Variants in EIF2A observed in about 807,000 individuals in gnomAD.
EIF2A encodes 65 kDa eukaryotic translation initiation factor 2A.
EIF2A carries 62 observed loss-of-function variants against 75.2 expected under a neutral mutation model. The ratio of observed to expected loss-of-function variants is 0.82; its 90% CI spans 0.67 to 1.02. The LOEUF is 1.02. EIF2A is among the 50% of genes least tolerant of loss of function. The pLI, the probability that EIF2A is intolerant of heterozygous loss-of-function variation, is 0.00. For missense variants in EIF2A, 611 were observed against 677.7 expected (o/e 0.90, Z 1.09); for synonymous variants, 207 against 239.0 (o/e 0.87, Z 1.23).
At position 150,572,158 on chromosome 3, in the gene EIF2A, A is replaced by G; in HGVS notation, c.1012A>G (p.Arg338Gly). The G allele has an allele frequency of 6.2e-7, 1 of 1,613,954 alleles. No individual in the cohort carries two copies. The highest frequency in any genetic ancestry group is 8.5e-7 in the Non-Finnish European group (1 of 1,179,872). The change falls in exon 10 of 14, where the codon AGG (arginine) becomes GGG (glycine). Residue 338 changes from arginine to glycine, a missense_variant. Coordinates refer to ENST00000460851, the MANE Select transcript of EIF2A (RefSeq NM_032025.5). The part of the protein sequence containing the change: ...ILVLAGFGNL[R>G]GQMEVWDVKN... ...AGTATTAGCTGGATTTGGAAATCTGAGGGGACAAATGGAAGTGTGGGATGT... is the reference window on the plus strand; with the variant it reads ...AGTATTAGCTGGATTTGGAAATCTGGGGGGACAAATGGAAGTGTGGGATGT...
At position 150,584,611 on chromosome 3, in the gene EIF2A, T is replaced by A. The variant is rs961467030; in HGVS notation, c.*700T>A. On this transcript the variant is annotated 3_prime_UTR_variant, in exon 14 of 14. Transcript: ENST00000460851. ...ACACTGTTGGCAATATCAGAAGTGA[T>A]AAGGCTTTGAAATGTTCGCCACTTT... Among the ~76,000 whole-genome samples, 15 of 152,234 alleles carry A rather than the reference T, an allele frequency of 9.9e-5. No individual in the cohort carries two copies. Among genetic ancestry groups the A allele is most frequent in the African/African-American group, 3.1e-4 (13 of 41,454 alleles).
At chr3:150,569,393 T>C (rs1724374572) in intron 9 of EIF2A, among the ~76,000 whole-genome samples, 1 of 150,922 alleles carries the variant, frequency 6.6e-6, no homozygotes, top group South Asian at 2.1e-4. Context: ...CTCTTGTCAG[T>C]CTAAAACTAA....
At chr3:150,571,858 CTGTT>C in intron 9 of EIF2A, 96 bp from the exon 10 acceptor site, 1 of 1,044,674 alleles carries the variant, frequency 9.6e-7, no homozygotes, top group Non-Finnish European at 1.4e-6. Flanking sequence ...ATTTTTTTAT[CTGTT>C]TGATGTGTTT....
intron 1 of EIF2A, among the ~76,000 whole-genome samples, chr3:150,548,959 G>T (rs1239247440): frequency 6.6e-6 from 1 of 152,100 alleles, no homozygotes; most frequent in African/African-American, 2.4e-5. Context: ...AACATTCTCA[G>T]TGTACATATT....
At chr3:150,563,032 AC>A (rs1723973370) in intron 4 of EIF2A, 2 of 183,890 alleles carry the variant, frequency 1.1e-5, no homozygotes, top group South Asian at 2.2e-4. Context: ...AGTAGACAAA[AC>A]ATCTAAGGGA....
At chr3:150,570,130 T>G (rs1724422098) in intron 9 of EIF2A, among the ~76,000 whole-genome samples, 1 of 152,148 alleles carries the variant, frequency 6.6e-6, no homozygotes, top group Admixed American at 6.6e-5. Context: ...GGGAGAATTT[T>G]TTTTCTAATC....
intron 10 of EIF2A, among the ~76,000 whole-genome samples, chr3:150,572,867 A>C (rs993799262): frequency 6.6e-6 from 1 of 151,816 alleles, no homozygotes; most frequent in African/African-American, 2.4e-5. Context: ...AAAAAAAAAA[A>C]AAAAACAACC....
Position 150,568,306 on chromosome 3 carries a change from C to A in EIF2A, c.811+14C>A. On this transcript the variant is annotated intron_variant, in intron 9 of 13. Coordinates refer to ENST00000460851, the MANE Select transcript of EIF2A (RefSeq NM_032025.5). ...TAGTGCAATTACGTGAGTATTCCAGCAGTCTTCCTTTGATTAGAAACAATG... is the reference window on the plus strand; with the variant it reads ...TAGTGCAATTACGTGAGTATTCCAGAAGTCTTCCTTTGATTAGAAACAATG... 6.3e-7 allele frequency: 1 copy of A among 1,580,028 alleles called. No homozygotes were observed. The highest frequency in any genetic ancestry group is 8.6e-7 in the Non-Finnish European group (1 of 1,156,276).
chr3:150,585,393 C>A lies in EIF2A; in HGVS notation c.*1482C>A, dbSNP rs1725414604. The A allele has an allele frequency of 6.6e-6, 1 of 152,242 alleles. No individual in the cohort carries two copies. The highest frequency in any genetic ancestry group is 2.4e-5 in the African/African-American group (1 of 41,436). 9.4% of individuals were successfully genotyped at this position (152,242 alleles called of 1,614,324 possible). A position where few individuals can be genotyped will look rare whatever the true frequency, so the allele number is the denominator to read the frequency against. On this transcript the variant is annotated 3_prime_UTR_variant, in exon 14 of 14. Coordinates refer to ENST00000460851, the MANE Select transcript of EIF2A (RefSeq NM_032025.5). ...AAGTATCCAGGCGTGGTAGCACATA[C>A]CTGTAATCCCAGCTACTTGGGAGGC...
At chr3:150,559,449 C>T (rs1163985230) in intron 3 of EIF2A, among the ~76,000 whole-genome samples, 1 of 149,904 alleles carries the variant, frequency 6.7e-6, no homozygotes, top group African/African-American at 2.4e-5. Flanking sequence ...CCTCCTGCCT[C>T]GGCCTCCCGA....
At chr3:150,564,094 C>CCCAA (rs1724032407) in intron 5 of EIF2A, among the ~76,000 whole-genome samples, 1 of 152,154 alleles carries the variant, frequency 6.6e-6, no homozygotes, top group African/African-American at 2.4e-5. Flanking sequence ...GCTGGGATTG[C>CCCAA]AGGTGTGAGC....
intron 10 of EIF2A, among the ~76,000 whole-genome samples, 182 bp downstream of exon 10, chr3:150,572,711 C>T (rs1660181640): frequency 6.6e-6 from 1 of 152,124 alleles, no homozygotes; most frequent in Non-Finnish European, 1.5e-5. Flanking sequence ...CAAAAATTAG[C>T]TGGGCATGGT....
intron 11 of EIF2A, among the ~76,000 whole-genome samples, chr3:150,576,719 T>TA (rs1411839813): frequency 6.6e-6 from 1 of 152,210 alleles, no homozygotes; most frequent in Non-Finnish European, 1.5e-5. Flanking sequence ...AGCTGGAAAT[T>TA]ACATGACTAG....
chr3:150,568,388 T>C lies in EIF2A; in HGVS notation c.811+96T>C, dbSNP rs1724310847. 6.0e-6 allele frequency: 6 copies of C among 995,124 alleles called. No homozygotes were observed. In the South Asian group the frequency reaches 1.2e-4, roughly 20 times the overall value. The allele number at this position is 995,124 out of a possible 1,614,324, so 61.6% of individuals were successfully genotyped here. A position where few individuals can be genotyped will look rare whatever the true frequency, so the allele number is the denominator to read the frequency against. ...ATAATCTAAATTCTTGATCAAAAGA[T>C]AGAATTCATATGCCTTAATAACCTT... On this transcript the variant is annotated intron_variant, in intron 9 of 13. Coordinates refer to ENST00000460851, the MANE Select transcript of EIF2A (RefSeq NM_032025.5).
chr3:150,558,351 C>A, intron 2 of EIF2A, 37 bp from the exon 3 acceptor site: 1 of 1,446,974 alleles, frequency 6.9e-7, no homozygotes, highest in East Asian at 2.7e-5. Flanking sequence ...AGTATTAATG[C>A]TTATTCATTT....
rs369784443 is a variant in EIF2A, at chr3:150,572,246, C to T, written c.1100C>T (p.Pro367Leu). The T allele has an allele frequency of 5.6e-6, 9 of 1,613,690 alleles. No individual in the cohort carries two copies. Among genetic ancestry groups the T allele is most frequent in the Admixed American group, 1.7e-5 (1 of 59,978 alleles). ...ASDSTYFAWC[P>L]DGEHILTATC... ...GATTCTACATATTTTGCTTGGTGCCCGGATGGTGAGCATATTTTAACAGCT... is the reference window on the plus strand; with the variant it reads ...GATTCTACATATTTTGCTTGGTGCCTGGATGGTGAGCATATTTTAACAGCT... The change falls in exon 10 of 14, where the codon CCG becomes CTG. Residue 367 changes from proline to leucine, a missense_variant. By Grantham distance (98) the Pro-to-Leu change is moderately conservative. Transcript: ENST00000460851.
intron 2 of EIF2A, 126 bp from the exon 3 acceptor site, chr3:150,558,262 A>T: frequency 6.1e-6 from 5 of 813,038 alleles, no homozygotes; most frequent in Non-Finnish European, 9.0e-6. Context: ...GCATTTTGGA[A>T]TTTTCTGAAA....
At chr3:150,563,975 T>C (rs1293692731) in intron 5 of EIF2A, among the ~76,000 whole-genome samples, 1 of 152,008 alleles carries the variant, frequency 6.6e-6, no homozygotes, top group Non-Finnish European at 1.5e-5. Flanking sequence ...CGTGCCACCA[T>C]GCCTGGCTAA....
At position 150,584,629 on chromosome 3, in the gene EIF2A, G is replaced by A. The variant is rs745452993; in HGVS notation, c.*718G>A. Among the ~76,000 whole-genome samples, 5 of 152,106 alleles carry A rather than the reference G, an allele frequency of 3.3e-5. No homozygotes were observed. The highest frequency in any genetic ancestry group is 1.9e-4 in the East Asian group (1 of 5,196). ...GAAGTGATAAGGCTTTGAAATGTTC[G>A]CCACTTTGATAAAGAGGAAATGATT... On this transcript the variant is annotated 3_prime_UTR_variant, in exon 14 of 14. Coordinates refer to ENST00000460851, the MANE Select transcript of EIF2A (RefSeq NM_032025.5).
Sources: gnomAD v4.1 joint callset for allele counts (sites outside exome capture counted in the v4.1 genomes callset) on GRCh38, gnomAD v4.1.1 for gene constraint, MANE v1.5 for transcripts, NCBI Gene and HGNC (gene_info 2026-07-23, HGNC 2026-07-21) for gene names.